WDR47: variants seen among roughly 807,000 people sequenced by gnomAD.
The protein encoded by WDR47 is WD repeat-containing protein 47.
A neutral mutation model predicts 97.2 loss-of-function variants in WDR47; 32 were observed. The observed-to-expected ratio is 0.33, with a 90% CI of 0.25 to 0.44. The LOEUF (loss-of-function observed/expected upper bound fraction) is 0.44, where lower values mean the gene tolerates loss of function less well. Among genes scored for constraint, WDR47 ranks in the 20% least tolerant of loss-of-function variants. The probability of loss-of-function intolerance (pLI) is 1.00; values close to 1 mark genes in which losing one functional copy is unlikely to be tolerated. For synonymous variants in WDR47, 375 were observed against 373.5 expected (o/e 1.00, Z -0.05); for missense variants, 782 against 1,102.3 (o/e 0.71, Z 4.11).
chr1:109,015,233 G>A (rs1661331207), intron 3 of WDR47, among the ~76,000 whole-genome samples: 1 of 152,188 alleles, frequency 6.6e-6, no homozygotes, highest in Non-Finnish European at 1.5e-5. Flanking sequence ...GATAGTGATA[G>A]AGTAACTTAT....
chr1:108,972,958 A>G (rs1289036506), intron 14 of WDR47, among the ~76,000 whole-genome samples: 1 of 148,390 alleles, frequency 6.7e-6, no homozygotes, highest in Non-Finnish European at 1.5e-5. Flanking sequence ...AAAAAAAAAA[A>G]AAAAAAGTCT....
chr1:109,002,310 T>C lies in WDR47; in HGVS notation c.1347A>G (p.Ile449Met). ...HLEQKEQQRQ[I>M]YQQMLLEGGV... ...CTCCTTCAAGCAACATCTGTTGGTA[T>C]ATCTGCCGCTGTTGCTCCTTCTGTT... The change falls in exon 7 of 15, where the codon ATA becomes ATG. Residue 449 changes from isoleucine to methionine, a missense_variant. By Grantham distance (10) the Ile-to-Met change is conservative (BLOSUM62 1). This residue lies in a region of WDR47 where 428 missense variants were observed against 584.3 expected (regional missense o/e 0.73). Coordinates refer to ENST00000369962, the MANE Select transcript of WDR47 (RefSeq NM_001142551.2). The C allele has an allele frequency of 1.2e-6, 2 of 1,613,412 alleles. No homozygotes were observed. Among genetic ancestry groups the C allele is most frequent in the Non-Finnish European group, 1.7e-6 (2 of 1,179,934 alleles).
chr1:108,997,784 G>A (rs1454850929), intron 7 of WDR47, among the ~76,000 whole-genome samples: 4 of 145,526 alleles, frequency 2.7e-5, no homozygotes, highest in Admixed American at 6.9e-5. Context: ...AAAGAAAGAA[G>A]GAAGGAAAGG....
intron 13 of WDR47, among the ~76,000 whole-genome samples, chr1:108,976,388 A>AC (rs1657896378): frequency 6.6e-6 from 1 of 151,294 alleles, no homozygotes; most frequent in African/African-American, 2.4e-5. Context: ...AAAAAACAGT[A>AC]AGGAAGGTGG....
chr1:108,974,760 G>C lies in WDR47; in HGVS notation c.2399-6C>G. The C allele has an allele frequency of 6.2e-7, 1 of 1,600,642 alleles. No individual in the cohort carries two copies. The highest frequency in any genetic ancestry group is 8.5e-7 in the Non-Finnish European group (1 of 1,172,752). On this transcript the variant is annotated splice_region_variant and splice_polypyrimidine_tract_variant and intron_variant, in intron 13 of 14. Coordinates refer to ENST00000369962, the MANE Select transcript of WDR47 (RefSeq NM_001142551.2). ...TACAGATGCCACTGCACTGCCTGTA[G>C]TGGTAGGAATGAAAGTTTAAATACA... is the stretch of plus-strand genomic sequence containing the variant.
rs1230275213 is a variant in WDR47, at chr1:108,995,636, A to C, written c.1635T>G (p.Asn545Lys). The change falls in exon 8 of 15, where the codon AAT becomes AAG. Residue 545 changes from asparagine to lysine, a missense_variant. Asn to Lys is a moderately conservative substitution (Grantham distance 94). Around this residue, in one of 3 missense-constraint regions of WDR47, gnomAD observed 126 missense variants for 121.3 expected, o/e 1.04. Coordinates refer to ENST00000369962, the MANE Select transcript of WDR47 (RefSeq NM_001142551.2). ...ASNIHTSTPRNPGSTNHIPFL... is the reference protein window; with the variant it reads ...ASNIHTSTPRKPGSTNHIPFL... ...AAGGTATGTGATTTGTTGATCCAGG[A>C]TTACGAGGAGTGCTTGTATGAATAT... is the stretch of plus-strand genomic sequence containing the variant. 1 of 1,613,988 alleles carries C rather than the reference A, an allele frequency of 6.2e-7. No homozygotes were observed. The highest frequency in any genetic ancestry group is 1.3e-5 in the African/African-American group (1 of 74,936).
chr1:108,995,354 G>C lies in WDR47; in HGVS notation c.1691+226C>G, dbSNP rs190232028. 3.9e-5 allele frequency among the ~76,000 whole-genome samples: 6 copies of C among 152,196 alleles called. No individual in the cohort carries two copies. The East Asian group carries it at 1.2e-3, about 29-fold the overall frequency. On this transcript the variant is annotated intron_variant, in intron 8 of 14. Coordinates refer to ENST00000369962, the MANE Select transcript of WDR47 (RefSeq NM_001142551.2). ...GGCTTATAAAAAATATAATTGCCTT[G>C]GTGGTAGTCAGGAAGCAAAAAGAAA...
chr1:109,015,755 A>G (rs1337849305), intron 3 of WDR47, among the ~76,000 whole-genome samples: 1 of 151,276 alleles, frequency 6.6e-6, no homozygotes, highest in Non-Finnish European at 1.5e-5. Flanking sequence ...TGGGAGGCCA[A>G]GGTGGGTGGA....
intron 13 of WDR47, 135 bp from the exon 14 acceptor site, chr1:108,974,889 C>A: frequency 1.3e-6 from 1 of 744,174 alleles, no homozygotes; most frequent in South Asian, 1.9e-5. Context: ...TGAAAAAATC[C>A]AAATTAACAG....
intron 2 of WDR47, among the ~76,000 whole-genome samples, chr1:109,020,839 T>C (rs111474817): frequency 2.0e-5 from 3 of 152,136 alleles, no homozygotes; most frequent in African/African-American, 7.2e-5. Flanking sequence ...ATTGCTGTTA[T>C]TGTTGTTGTT....
At chr1:108,977,819 T>C (rs28656420) in intron 13 of WDR47, among the ~76,000 whole-genome samples, 148,246 of 151,930 alleles carry the variant, frequency 0.98, 72,434 homozygotes, top group Middle Eastern at 1. Flanking sequence ...CAAAGTAAGA[T>C]TCTCAAAAAC....
intron 3 of WDR47, among the ~76,000 whole-genome samples, chr1:109,015,666 C>T (rs1210169222): frequency 2.0e-5 from 3 of 151,234 alleles, no homozygotes; most frequent in African/African-American, 7.3e-5. Context: ...GAAAAGCTGG[C>T]ACAACTAGAG....
At chr1:108,974,823 T>C in intron 13 of WDR47, 69 bp from the exon 14 acceptor site, 1 of 1,189,846 alleles carries the variant, frequency 8.4e-7, no homozygotes, top group Non-Finnish European at 1.2e-6. Flanking sequence ...CAGCTGATTA[T>C]GTCCATTGAA....
chr1:108,974,818 G>T, intron 13 of WDR47, 64 bp from the exon 14 acceptor site: 1 of 1,231,196 alleles, frequency 8.1e-7, no homozygotes, highest in Non-Finnish European at 1.2e-6. Context: ...CAACACAGCT[G>T]ATTATGTCCA....
chr1:109,015,852 G>C (rs183049970), intron 3 of WDR47, among the ~76,000 whole-genome samples: 2 of 151,650 alleles, frequency 1.3e-5, no homozygotes, highest in African/African-American at 4.8e-5. Context: ...GCACAGTGGT[G>C]CATGCCTGTA....
At chr1:108,986,124 G>GA (rs1571154180) in intron 10 of WDR47, among the ~76,000 whole-genome samples, 2 of 152,156 alleles carry the variant, frequency 1.3e-5, no homozygotes, top group South Asian at 4.1e-4. Context: ...GTATGAATAG[G>GA]AAAAAACACA....
rs1659695416 is a variant in WDR47 at position 108,995,702 on chromosome 1, T to A, written c.1569A>T (p.Pro523=). Reference sequence around the variant, plus strand: ...TTAATCTCTGACTAGAGTCTTGGGGTGGTGTAGTAAAACTAGTCACAGAAG... The same window carrying A: ...TTAATCTCTGACTAGAGTCTTGGGGAGGTGTAGTAAAACTAGTCACAGAAG... ...NGSSVTSFTT[P]PQDSSQRLTH... The change falls in exon 8 of 15, where the codon CCA becomes CCT. Residue 523 remains proline, a synonymous_variant. Coordinates refer to ENST00000369962, the MANE Select transcript of WDR47 (RefSeq NM_001142551.2). 6.2e-7 allele frequency: 1 copy of A among 1,613,964 alleles called. No individual in the cohort carries two copies. The highest frequency in any genetic ancestry group is 1.7e-5 in the Admixed American group (1 of 59,982).
At chr1:109,020,828 T>C (rs1661782059) in intron 2 of WDR47, among the ~76,000 whole-genome samples, 1 of 152,022 alleles carries the variant, frequency 6.6e-6, no homozygotes, top group Non-Finnish European at 1.5e-5. Context: ...AAAGCTTTGT[T>C]ATTGCTGTTA....
intron 13 of WDR47, among the ~76,000 whole-genome samples, chr1:108,977,089 G>A (rs1202667831): frequency 6.6e-6 from 1 of 152,192 alleles, no homozygotes; most frequent in Non-Finnish European, 1.5e-5. Flanking sequence ...TCAGTTGAGA[G>A]ATGATGGTGG....
Sources: allele counts gnomAD v4.1 joint callset (sites outside exome capture counted in the v4.1 genomes callset), GRCh38; gene constraint gnomAD v4.1.1; regional missense constraint gnomAD v4.1.1; transcripts MANE v1.5; gene names NCBI Gene and HGNC (gene_info 2026-07-23, HGNC 2026-07-21).